Variants in MAML1 observed in about 807,000 individuals in gnomAD.
MAML1 encodes mastermind-like protein 1.
Under a neutral mutation model 77.1 loss-of-function variants are expected in MAML1, and 14 were observed. The ratio of observed to expected loss-of-function variants is 0.18; its 90% CI spans 0.12 to 0.28. The LOEUF is 0.28. MAML1 is among the 10% of genes least tolerant of loss of function. The pLI is 1.00. For synonymous variants in MAML1, 516 were observed against 551.9 expected (o/e 0.93, Z 0.91); for missense variants, 1,217 against 1,327.8 (o/e 0.92, Z 1.30).
intron 3 of MAML1, chr5:179,770,922 T>TC (rs1381382015): frequency 2.2e-6 from 1 of 446,172 alleles, no homozygotes; most frequent in Non-Finnish European, 4.2e-6. Flanking sequence ...TAACCAGCTC[T>TC]CCATTTTTTA....
intron 1 of MAML1, among the ~76,000 whole-genome samples, chr5:179,753,234 C>CGT (rs1367385919): frequency 0.017 from 2,508 of 151,620 alleles, 42 homozygotes; most frequent in Admixed American, 0.029. Flanking sequence ...CGCGCGCGCG[C>CGT]GCGCGTGCTG....
intron 2 of MAML1, among the ~76,000 whole-genome samples, chr5:179,768,457 GA>G (rs1411200688): frequency 6.6e-6 from 1 of 151,644 alleles, no homozygotes; most frequent in African/African-American, 2.4e-5. Context: ...AACTCCGTCT[GA>G]AAAAAAACAA....
Position 179,775,657 on chromosome 5 carries a change from A to G in MAML1, c.*780A>G, listed in dbSNP as rs1756121584. The G allele has an allele frequency of 1.7e-5, 17 of 985,422 alleles. No homozygotes were observed. The highest frequency in any genetic ancestry group is 1.9e-5 in the Non-Finnish European group (16 of 829,934). The allele number at this position is 985,422 out of a possible 1,614,324, so 61.0% of individuals were successfully genotyped here. A position where few individuals can be genotyped will look rare whatever the true frequency, so the allele number is the denominator to read the frequency against. On this transcript the variant is annotated 3_prime_UTR_variant, in exon 5 of 5. Coordinates refer to ENST00000292599, the MANE Select transcript of MAML1 (RefSeq NM_014757.5). Reference sequence around the variant, plus strand: ...TCCTGGCAGCAGGACCCCAGGCTACATATGGAAGGTAGAGATGTGGGGGTC... The same window carrying G: ...TCCTGGCAGCAGGACCCCAGGCTACGTATGGAAGGTAGAGATGTGGGGGTC...
rs1382517138 is a variant in MAML1, at chr5:179,733,121, G to C, written c.9G>C (p.Leu3=). The C allele has an allele frequency of 2.8e-6, 4 of 1,431,568 alleles. No individual in the cohort carries two copies. The African/African-American group carries it at 4.5e-5, about 16-fold the overall frequency. 88.7% of individuals were successfully genotyped at this position (1,431,568 alleles called of 1,614,324 possible). A position where few individuals can be genotyped will look rare whatever the true frequency, so the allele number is the denominator to read the frequency against. ...CGTGCAGCCCGCGGCCCATGGTGCT[G>C]CCCACCTGCCCCATGGCGGAGTTCG... is the stretch of plus-strand genomic sequence containing the variant. MV[L]PTCPMAEFAL... The change falls in exon 1 of 5, where the codon CTG becomes CTC. Residue 3 remains leucine (L), a synonymous_variant. Transcript: ENST00000292599.
intron 1 of MAML1, among the ~76,000 whole-genome samples, chr5:179,744,240 A>G (rs1244539466): frequency 2.0e-5 from 3 of 152,144 alleles, no homozygotes; most frequent in African/African-American, 7.2e-5. Context: ...GCTGGAGTGC[A>G]GTGGCATGGT....
Position 179,769,435 on chromosome 5 carries a change from A to G in MAML1, c.1971+346A>G, listed in dbSNP as rs562283829. On this transcript the variant is annotated intron_variant, in intron 3 of 4. Coordinates refer to ENST00000292599, the MANE Select transcript of MAML1 (RefSeq NM_014757.5). This position sits in a 1 kb window ranked among gnomAD's most constrained non-coding sequence, Gnocchi z 4.2. ...CCACTATGGAGTCAGCTTTGCTGCC[A>G]CTACAGAGCCTGTTATAAGCCAGAA... Among the ~76,000 whole-genome samples the G allele has an allele frequency of 2.6e-5, 4 of 152,316 alleles. No individual in the cohort carries two copies. The East Asian group carries it at 7.7e-4, about 29-fold the overall frequency.
At chr5:179,734,514 G>A (rs2113326259) in intron 1 of MAML1, among the ~76,000 whole-genome samples, 1 of 152,068 alleles carries the variant, frequency 6.6e-6, no homozygotes, top group African/African-American at 2.4e-5. Context: ...CACTAGCCTC[G>A]ATTGCTGGGT....
intron 1 of MAML1, among the ~76,000 whole-genome samples, chr5:179,745,727 G>A (rs1048792053): frequency 3.3e-5 from 5 of 151,916 alleles, no homozygotes; most frequent in South Asian, 4.2e-4. Flanking sequence ...AGGCGTGGTG[G>A]CGGGCGTCTG....
rs963820282 is a variant in MAML1 at position 179,775,629 on chromosome 5, A to C, written c.*752A>C. 3 of 985,406 alleles carry C rather than the reference A, an allele frequency of 3.0e-6. No individual in the cohort carries two copies. The allele number at this position is 985,406 out of a possible 1,614,324, so 61.0% of individuals were successfully genotyped here. A position where few individuals can be genotyped will look rare whatever the true frequency, so the allele number is the denominator to read the frequency against. ...AGGCCCCCAGGAATCCCTTCCTCCC[A>C]TGTCCTGGCAGCAGGACCCCAGGCT... is the stretch of plus-strand genomic sequence containing the variant. On this transcript the variant is annotated 3_prime_UTR_variant, in exon 5 of 5. Transcript: ENST00000292599.
chr5:179,772,363 C>T (rs765997629), intron 4 of MAML1, among the ~76,000 whole-genome samples: 10 of 152,184 alleles, frequency 6.6e-5, no homozygotes, highest in Admixed American at 1.3e-4. Flanking sequence ...GTGATCTGCC[C>T]GCCTTGGCCT....
rs184153487 is a variant in MAML1 at position 179,775,472 on chromosome 5, G to A, written c.*595G>A. 8.6e-3 allele frequency: 8,473 copies of A among 985,378 alleles called. 45 individuals are homozygous for A. Among genetic ancestry groups the A allele is most frequent in the Non-Finnish European group, 9.7e-3 (8,052 of 829,942 alleles). 61.0% of individuals were successfully genotyped at this position (985,378 alleles called of 1,614,324 possible). A position where few individuals can be genotyped will look rare whatever the true frequency, so the allele number is the denominator to read the frequency against. On this transcript the variant is annotated 3_prime_UTR_variant, in exon 5 of 5. Coordinates refer to ENST00000292599, the MANE Select transcript of MAML1 (RefSeq NM_014757.5). ...TCTTTGTCAGCTTTCAGGGGAGAAG[G>A]AGGCCACTGGAAAATTATTTCCCTA...
rs1241663221 is a variant in MAML1 at position 179,769,341 on chromosome 5, G to A, written c.1971+252G>A. On this transcript the variant is annotated intron_variant, in intron 3 of 4. Transcript: ENST00000292599. This position sits in a 1 kb window ranked among gnomAD's most constrained non-coding sequence, Gnocchi z 4.2. ...GCAGACTCGGGGGCTAAAACTGTTTGTGGAAGGGACATTTTCCTATGTTTC... is the reference window on the plus strand; with the variant it reads ...GCAGACTCGGGGGCTAAAACTGTTTATGGAAGGGACATTTTCCTATGTTTC... 1.3e-5 allele frequency among the ~76,000 whole-genome samples: 2 copies of A among 152,138 alleles called. No individual in the cohort carries two copies. The highest frequency in any genetic ancestry group is 3.9e-4 in the East Asian group (2 of 5,194).
chr5:179,753,218 T>C (rs1388617955), intron 1 of MAML1, among the ~76,000 whole-genome samples: 16 of 64,104 alleles, frequency 2.5e-4, no homozygotes, highest in African/African-American at 5.6e-4. Flanking sequence ...TGTGTGTGTG[T>C]GTGTGCGCGC....
intron 3 of MAML1, among the ~76,000 whole-genome samples, chr5:179,770,177 A>G (rs1407119961): frequency 6.6e-6 from 1 of 152,080 alleles, no homozygotes; most frequent in African/African-American, 2.4e-5. Flanking sequence ...GGCTGGGCGC[A>G]GTGGCTCACT....
At chr5:179,738,305 C>G (rs1779213024) in intron 1 of MAML1, among the ~76,000 whole-genome samples, 1 of 152,134 alleles carries the variant, frequency 6.6e-6, no homozygotes, top group South Asian at 2.1e-4. Context: ...CCATGTGTAC[C>G]TTTTAAGAGT....
intron 1 of MAML1, among the ~76,000 whole-genome samples, chr5:179,753,213 GT>G (rs1779535023): frequency 8.7e-6 from 1 of 114,506 alleles, no homozygotes; most frequent in Admixed American, 8.9e-5. Flanking sequence ...GTGTGTGTGT[GT>G]GTGTGTGTGC....
intron 1 of MAML1, among the ~76,000 whole-genome samples, chr5:179,754,039 T>A (rs1275491853): frequency 6.6e-6 from 1 of 151,968 alleles, no homozygotes; most frequent in Non-Finnish European, 1.5e-5. Context: ...ATCTCAGCAC[T>A]TTGGGAGGTC....
At chr5:179,735,172 G>GATA in intron 1 of MAML1, among the ~76,000 whole-genome samples, 1 of 151,676 alleles carries the variant, frequency 6.6e-6, no homozygotes, top group Non-Finnish European at 1.5e-5. Context: ...CTTAAAGTAT[G>GATA]ATAATAATAA....
chr5:179,759,762 T>A (rs946581105), intron 1 of MAML1, among the ~76,000 whole-genome samples: 2 of 152,176 alleles, frequency 1.3e-5, no homozygotes, highest in Non-Finnish European at 2.9e-5. Context: ...TCACGTGGAG[T>A]CCCAGTGAGC....
Sources: allele counts gnomAD v4.1 joint callset (sites outside exome capture counted in the v4.1 genomes callset), GRCh38; gene constraint gnomAD v4.1.1; non-coding constraint Gnocchi (gnomAD v3.1); transcripts MANE v1.5; gene names NCBI Gene and HGNC (gene_info 2026-07-23, HGNC 2026-07-21).